KCNMA1: variants seen among roughly 807,000 people sequenced by gnomAD.
The protein encoded by KCNMA1 is potassium calcium-activated channel subfamily M alpha 1, also known as Calcium-activated potassium channel subunit alpha-1.
In KCNMA1, 29 loss-of-function variants were observed where a neutral mutation model predicts 140.0. The observed-to-expected ratio is 0.21, with a 90% confidence interval of 0.15 to 0.28. KCNMA1 has a LOEUF of 0.28. Among genes scored for constraint, KCNMA1 ranks in the 10% least tolerant of loss-of-function variants. The pLI, the probability that KCNMA1 is intolerant of heterozygous loss-of-function variation, is 1.00. For synonymous variants in KCNMA1, 612 were observed against 611.9 expected (o/e 1.00, Z 0.00); for missense variants, 880 against 1,602.2 (o/e 0.55, Z 7.70).
At chr10:76,968,594 G>A (rs1020553890) in intron 20 of KCNMA1, among the ~76,000 whole-genome samples, 5 of 152,200 alleles carry the variant, frequency 3.3e-5, no homozygotes, top group African/African-American at 9.7e-5. Context: ...ACCTAAAGGT[G>A]AGTAAATAGG....
At chr10:77,327,610 C>T (rs1426746655) in intron 2 of KCNMA1, among the ~76,000 whole-genome samples, 1 of 152,112 alleles carries the variant, frequency 6.6e-6, no homozygotes, top group Non-Finnish European at 1.5e-5. Context: ...CTGCCTCAGC[C>T]TCTCAAAGTG....
chr10:77,502,008 G>T (rs550646109), intron 1 of KCNMA1, among the ~76,000 whole-genome samples: 1 of 152,262 alleles, frequency 6.6e-6, no homozygotes, highest in Admixed American at 6.5e-5. Flanking sequence ...AGTCCCTATG[G>T]AAATCACCCT....
At chr10:77,417,794 T>C (rs2096775369) in intron 1 of KCNMA1, among the ~76,000 whole-genome samples, 1 of 152,036 alleles carries the variant, frequency 6.6e-6, no homozygotes, top group African/African-American at 2.4e-5. Flanking sequence ...CCCAATTAGG[T>C]CGTCAGACAG....
At chr10:77,343,405 G>A (rs376129120) in intron 2 of KCNMA1, among the ~76,000 whole-genome samples, 3 of 152,166 alleles carry the variant, frequency 2.0e-5, no homozygotes, top group African/African-American at 7.2e-5. Flanking sequence ...GTGGGAAGTT[G>A]TGTTTGAGCC....
chr10:77,483,855 C>T (rs1006461672), intron 1 of KCNMA1, among the ~76,000 whole-genome samples: 2 of 152,226 alleles, frequency 1.3e-5, no homozygotes, highest in Admixed American at 1.3e-4. Context: ...AAGCAATTCT[C>T]ATCGTGACAA....
chr10:77,034,662 G>T (rs1011207249), intron 15 of KCNMA1, among the ~76,000 whole-genome samples: 4 of 152,148 alleles, frequency 2.6e-5, no homozygotes, highest in Admixed American at 2.6e-4. Flanking sequence ...CCCTGGGCTT[G>T]GGGACAGAAC....
At chr10:77,419,497 G>A (rs969912597) in intron 1 of KCNMA1, among the ~76,000 whole-genome samples, 2 of 152,168 alleles carry the variant, frequency 1.3e-5, no homozygotes, top group African/African-American at 4.8e-5. Flanking sequence ...GGCAGAAAGA[G>A]TTGTTACTCA....
intron 1 of KCNMA1, among the ~76,000 whole-genome samples, chr10:77,461,945 A>T (rs1318495539): frequency 6.6e-6 from 1 of 152,156 alleles, no homozygotes; most frequent in East Asian, 1.9e-4. Flanking sequence ...CTCCCCACTG[A>T]CTATGGGGCT....
chr10:77,490,533 T>C (rs1037891052), intron 1 of KCNMA1, among the ~76,000 whole-genome samples: 3 of 152,234 alleles, frequency 2.0e-5, no homozygotes, highest in Admixed American at 6.5e-5. Context: ...AATATTAATA[T>C]GACTACTACT....
intron 1 of KCNMA1, among the ~76,000 whole-genome samples, chr10:77,408,440 G>C (rs895474461): frequency 6.6e-6 from 1 of 152,048 alleles, no homozygotes; most frequent in Non-Finnish European, 1.5e-5. Context: ...ACGTGTGAGA[G>C]TGTGTGCATG....
At chr10:77,289,520 T>C (rs1419482696) in intron 2 of KCNMA1, among the ~76,000 whole-genome samples, 2 of 152,184 alleles carry the variant, frequency 1.3e-5, no homozygotes, top group African/African-American at 4.8e-5. Flanking sequence ...CACCAACTTC[T>C]CTTTTAAAGA....
chr10:77,437,313 G>C (rs950218708), intron 1 of KCNMA1, among the ~76,000 whole-genome samples: 18 of 152,198 alleles, frequency 1.2e-4, no homozygotes. Context: ...GAGAGTGGGA[G>C]GATGGGAGGC....
intron 5 of KCNMA1, among the ~76,000 whole-genome samples, chr10:77,168,603 T>A (rs941413012): frequency 6.6e-6 from 1 of 152,176 alleles, no homozygotes; most frequent in African/African-American, 2.4e-5. Flanking sequence ...GGGACCACCA[T>A]TGCATATGGG....
chr10:76,936,522 T>C lies in KCNMA1; in HGVS notation c.2902+8251A>G, dbSNP rs138772723. 5.9e-5 allele frequency among the ~76,000 whole-genome samples: 9 copies of C among 152,236 alleles called. No homozygotes were observed. The East Asian group carries it at 1.7e-3, about 29-fold the overall frequency. Reference sequence around the variant, plus strand: ...TTAGCGCTGAGCTTTGTTCGTTTAGTGGGTATAAAGAGAAATGGCTTCTCC... The same window carrying C: ...TTAGCGCTGAGCTTTGTTCGTTTAGCGGGTATAAAGAGAAATGGCTTCTCC... On this transcript the variant is annotated intron_variant, in intron 23 of 27. Transcript: ENST00000286628.
chr10:77,577,363 G>T (rs192444129), intron 1 of KCNMA1, among the ~76,000 whole-genome samples: 17 of 152,158 alleles, frequency 1.1e-4, no homozygotes, highest in African/African-American at 4.1e-4. Flanking sequence ...TCTCTTAACT[G>T]CCATGTAGTT....
intron 1 of KCNMA1, among the ~76,000 whole-genome samples, chr10:77,484,365 C>G (rs1222979808): frequency 6.6e-6 from 1 of 152,222 alleles, no homozygotes; most frequent in African/African-American, 2.4e-5. Flanking sequence ...ATTTCTGTGC[C>G]ACCTCCTTAT....
At chr10:77,338,358 A>G (rs1472208125) in intron 2 of KCNMA1, among the ~76,000 whole-genome samples, 2 of 151,898 alleles carry the variant, frequency 1.3e-5, no homozygotes, top group Non-Finnish European at 2.9e-5. Context: ...CTCAATTACT[A>G]CATCACAACC....
intron 2 of KCNMA1, among the ~76,000 whole-genome samples, chr10:77,308,052 A>G (rs1171786924): frequency 6.6e-6 from 1 of 152,228 alleles, no homozygotes; most frequent in Non-Finnish European, 1.5e-5. Context: ...TAAGCACAGC[A>G]TACCCAGCGA....
In KCNMA1 at chr10:76,994,373, C is replaced by T. The variant is rs78986449; in HGVS notation, c.2266+7034G>A. Among the ~76,000 whole-genome samples the T allele has an allele frequency of 4.8e-3, 732 of 152,334 alleles. 9 individuals carry two copies. Among genetic ancestry groups the T allele is most frequent in the Middle Eastern group, 0.017 (5 of 294 alleles). ...GTTAAATTTAACAACAGCAACAACA[C>T]ATACACACATCCTCCCTGTGTACTC... is the stretch of plus-strand genomic sequence containing the variant. On this transcript the variant is annotated intron_variant, in intron 19 of 27. Transcript: ENST00000286628.
Sources: gnomAD v4.1 joint callset for allele counts (sites outside exome capture counted in the v4.1 genomes callset) on GRCh38, gnomAD v4.1.1 for gene constraint, MANE v1.5 for transcripts, NCBI Gene and HGNC (gene_info 2026-07-23, HGNC 2026-07-21) for gene names.